The following ZNF862 variants were observed in gnomAD, a reference collection of about 807,000 sequenced individuals.
ZNF862 encodes zinc finger protein 862.
In ZNF862, 64 loss-of-function variants were observed where a neutral mutation model predicts 91.1. The ratio of observed to expected loss-of-function variants is 0.70; its 90% CI spans 0.57 to 0.87. ZNF862 has a LOEUF of 0.87. ZNF862 is among the 40% of genes least tolerant of loss of function. ZNF862 has a pLI of 0.00. For synonymous variants in ZNF862, 631 were observed against 618.1 expected (o/e 1.02, Z -0.31); for missense variants, 1,459 against 1,528.0 (o/e 0.95, Z 0.75).
chr7:149,844,877 C>T, intron 2 of ZNF862, 141 bp downstream of exon 2: 1 of 617,942 alleles, frequency 1.6e-6, no homozygotes, highest in Non-Finnish European at 2.9e-6. Context: ...CTGCTCGATC[C>T]CGTATCTACC....
In ZNF862 at chr7:149,856,646, CT is replaced by C. The variant is rs1310294762; in HGVS notation, c.1118-2774del. On this transcript the variant is annotated intron_variant, in intron 5 of 7. Transcript: ENST00000223210. ...CTCCATTTCATTCTTTCTCTGGAGACTTCGCTCCGGGGCCTTCTCCTCCCCT... is the reference window on the plus strand; with the variant it reads ...CTCCATTTCATTCTTTCTCTGGAGACTCGCTCCGGGGCCTTCTCCTCCCCT... Among the ~76,000 whole-genome samples the C allele has an allele frequency of 2.0e-4, 31 of 152,320 alleles. No homozygotes were observed. In the Middle Eastern group the frequency reaches 0.01, roughly 50 times the overall value.
chr7:149,866,326 C>G lies in ZNF862; in HGVS notation c.*2042C>G, dbSNP rs1802721817. On this transcript the variant is annotated 3_prime_UTR_variant, in exon 8 of 8. Transcript: ENST00000223210. Reference sequence around the variant, plus strand: ...CACCGTCTCCATGGGCGTTCAGGAACTTGCCCAGGTCAGGCACTGTGGATG... The same window carrying G: ...CACCGTCTCCATGGGCGTTCAGGAAGTTGCCCAGGTCAGGCACTGTGGATG... 1 of 152,244 alleles carries G rather than the reference C, an allele frequency of 6.6e-6. No homozygotes were observed. The highest frequency in any genetic ancestry group is 2.4e-5 in the African/African-American group (1 of 41,448). 9.4% of individuals were successfully genotyped at this position (152,244 alleles called of 1,614,324 possible).
intron 2 of ZNF862, 94 bp downstream of exon 2, chr7:149,844,830 A>G: frequency 1.2e-6 from 1 of 837,528 alleles, no homozygotes. Context: ...GTTTTCTGGA[A>G]TCCAAGCATT....
In ZNF862 at chr7:149,860,389, A is replaced by G. The variant is rs759708232; in HGVS notation, c.1229A>G (p.Lys410Arg). The G allele has an allele frequency of 5.0e-6, 8 of 1,608,162 alleles. No individual in the cohort carries two copies. The highest frequency in any genetic ancestry group is 6.8e-6 in the Non-Finnish European group (8 of 1,176,924). The change falls in exon 7 of 8, where the codon AAG (lysine) becomes AGG (arginine). Residue 410 changes from lysine to arginine, a missense_variant. Lys to Arg is a conservative substitution (Grantham distance 26, BLOSUM62 2). Coordinates refer to ENST00000223210, the MANE Select transcript of ZNF862 (RefSeq NM_001099220.3). Reference sequence around the variant, plus strand: ...GATTCAATTTTCTCCAAAGGGAACAAGAAGATGGTGGCAGTGAGAGAGGCA... The same window carrying G: ...GATTCAATTTTCTCCAAAGGGAACAGGAAGATGGTGGCAGTGAGAGAGGCA... ...KWGKGRPPGN[K>R]KMVAVREADT...
rs1042988544 is a variant in ZNF862 at position 149,861,622 on chromosome 7, T to C, written c.2462T>C (p.Ile821Thr). 5 of 1,603,282 alleles carry C rather than the reference T, an allele frequency of 3.1e-6. No individual in the cohort carries two copies. Among genetic ancestry groups the C allele is most frequent in the African/African-American group, 2.7e-5 (2 of 74,752 alleles). ...LQRVAEAGGQ[I>T]GHRAKGMLKL... is the part of the protein sequence containing the mutation. ...AGGGTGGCAGAGGCTGGGGGCCAGATTGGGCACCGGGCCAAAGGGATGCTG... is the reference window on the plus strand; with the variant it reads ...AGGGTGGCAGAGGCTGGGGGCCAGACTGGGCACCGGGCCAAAGGGATGCTG... Residue 821 changes from isoleucine (I) to threonine (T), a missense_variant, in exon 7 of 8, where the codon ATT (isoleucine) becomes ACT (threonine). Ile to Thr is a moderately conservative substitution (Grantham distance 89). Coordinates refer to ENST00000223210, the MANE Select transcript of ZNF862 (RefSeq NM_001099220.3). This position sits in a 1 kb window ranked among gnomAD's most constrained non-coding sequence, Gnocchi z 6.7.
Position 149,862,420 on chromosome 7 carries a change from G to A in ZNF862, c.3260G>A (p.Trp1087Ter), listed in dbSNP as rs1210857648. ...EYDPQPAIQH[W>*]YLTSSGRRFS... ...GACCCCCAGCCCGCCATCCAGCACT[G>A]GTACCTGACCTCCTCAGGCCGGCGT... Residue 1087 changes from tryptophan to a stop codon, truncating the protein, a stop_gained, in exon 7 of 8, where the codon TGG (tryptophan) becomes TAG (stop). Transcript: ENST00000223210. LOFTEE classifies it high-confidence loss of function. 6 of 1,612,560 alleles carry A rather than the reference G, an allele frequency of 3.7e-6. No homozygotes were observed. The highest frequency in any genetic ancestry group is 5.1e-6 in the Non-Finnish European group (6 of 1,179,732).
At chr7:149,841,450 C>T (rs766209522) in intron 1 of ZNF862, 4 of 979,850 alleles carry the variant, frequency 4.1e-6, no homozygotes. Context: ...ACCCTTATCA[C>T]TAAATAAAAT....
rs895699000 is a variant in ZNF862 at position 149,855,819 on chromosome 7, G to A, written c.1118-3603G>A. 6.6e-6 allele frequency among the ~76,000 whole-genome samples: 1 copy of A among 152,184 alleles called. No homozygotes were observed. The highest frequency in any genetic ancestry group is 1.5e-5 in the Non-Finnish European group (1 of 68,040). ...CCATAGAAGCACTTCCAGACCCTGT[G>A]CTCTCCCAGACCTGGGATTGTAGGC... On this transcript the variant is annotated intron_variant, in intron 5 of 7. Coordinates refer to ENST00000223210, the MANE Select transcript of ZNF862 (RefSeq NM_001099220.3). This position sits in a 1 kb window ranked among gnomAD's most constrained non-coding sequence, Gnocchi z 4.1.
rs748692359 is a variant in ZNF862, at chr7:149,847,951, A to G, written c.458A>G (p.Asn153Ser). The change falls in exon 4 of 8, where the codon AAT becomes AGT. Residue 153 changes from asparagine to serine, a missense_variant. Physicochemically the swap from Asn to Ser is conservative, Grantham distance 46 (BLOSUM62 1). Transcript: ENST00000223210. ...GTGCAGTTTCCGTGGCTGATCATGA[A>G]TGAGGAGCAGACGGCTCTGTTCTGC... ...WFVQFPWLIM[N>S]EEQTALFCSA... 1 of 1,608,944 alleles carries G rather than the reference A, an allele frequency of 6.2e-7. No individual in the cohort carries two copies. The highest frequency in any genetic ancestry group is 8.5e-7 in the Non-Finnish European group (1 of 1,177,382).
At position 149,848,102 on chromosome 7, in the gene ZNF862, C is replaced by T; in HGVS notation, c.609C>T (p.Val203=). 2.5e-6 allele frequency: 4 copies of T among 1,614,090 alleles called. No individual in the cohort carries two copies. The highest frequency in any genetic ancestry group is 3.4e-6 in the Non-Finnish European group (4 of 1,179,908). The part of the protein sequence containing the change: ...HAKSKAHMFC[V]NALAARDPIW... Reference sequence around the variant, plus strand: ...AGAGCAAGGCCCACATGTTCTGTGTCAATGCCTTGGCAGCGAGGGACCCCA... The same window carrying T: ...AGAGCAAGGCCCACATGTTCTGTGTTAATGCCTTGGCAGCGAGGGACCCCA... Residue 203 remains valine, a synonymous_variant, in exon 4 of 8, where the codon GTC becomes GTT. Coordinates refer to ENST00000223210, the MANE Select transcript of ZNF862 (RefSeq NM_001099220.3).
At chr7:149,848,496 A>G in intron 4 of ZNF862, 64 bp downstream of exon 4, 1 of 1,289,144 alleles carries the variant, frequency 7.8e-7, no homozygotes, top group Non-Finnish European at 1.0e-6. Context: ...AACGATGTAT[A>G]TCCATGCTGA....
chr7:149,857,862 C>G (rs1028179690), intron 5 of ZNF862, among the ~76,000 whole-genome samples: 6 of 152,146 alleles, frequency 3.9e-5, no homozygotes, highest in African/African-American at 7.2e-5. Flanking sequence ...TTCTTGGAGT[C>G]GAGCAGTGCA....
At position 149,864,268 on chromosome 7, in the gene ZNF862, C is replaced by A. The variant is rs1239609334; in HGVS notation, c.3494C>A (p.Ala1165Asp). 1 of 1,600,138 alleles carries A rather than the reference C, an allele frequency of 6.2e-7. No homozygotes were observed. The highest frequency in any genetic ancestry group is 1.7e-5 in the Admixed American group (1 of 58,254). ...RLLYPHTSQE[A>D]PGMS ...CTGTATCCCCACACCAGCCAGGAGGCCCCCGGGATGTCCTGAGGGACAGGG... is the reference window on the plus strand; with the variant it reads ...CTGTATCCCCACACCAGCCAGGAGGACCCCGGGATGTCCTGAGGGACAGGG... Residue 1165 changes from alanine to aspartate, a missense_variant, in exon 8 of 8, where the codon GCC becomes GAC. Transcript: ENST00000223210.
intron 2 of ZNF862, chr7:149,844,973 C>A: frequency 2.1e-6 from 1 of 476,976 alleles, no homozygotes; most frequent in East Asian, 4.0e-5. Context: ...CAGGCCTGGG[C>A]TAGACTCCTG....
chr7:149,866,863 CCTTTG>C lies in ZNF862; in HGVS notation c.*2585_*2589del, dbSNP rs1374063498. The C allele has an allele frequency of 6.6e-6, 1 of 152,310 alleles. No homozygotes were observed. The highest frequency in any genetic ancestry group is 1.5e-5 in the Non-Finnish European group (1 of 68,124). 9.4% of individuals were successfully genotyped at this position (152,310 alleles called of 1,614,324 possible). On this transcript the variant is annotated 3_prime_UTR_variant, in exon 8 of 8. Coordinates refer to ENST00000223210, the MANE Select transcript of ZNF862 (RefSeq NM_001099220.3). Reference sequence around the variant, plus strand: ...TCAGAGGCCCTGGCCCAGGCTGGCCCCTTTGCTTTGTTTGGAGAGGCTGGCTGAGT... The same window carrying C: ...TCAGAGGCCCTGGCCCAGGCTGGCCCCTTTGTTTGGAGAGGCTGGCTGAGT...
chr7:149,860,573 G>A lies in ZNF862; in HGVS notation c.1413G>A (p.Gly471=), dbSNP rs766897405. The change falls in exon 7 of 8, where the codon GGG becomes GGA. Residue 471 remains glycine (G), a synonymous_variant. Coordinates refer to ENST00000223210, the MANE Select transcript of ZNF862 (RefSeq NM_001099220.3). Reference sequence around the variant, plus strand: ...GTTCCATTCAGAGGTCATGGTTTGGGCAGTTCCCATGGTTAGTAATTGACC... The same window carrying A: ...GTTCCATTCAGAGGTCATGGTTTGGACAGTTCCCATGGTTAGTAATTGACC... ...RPRSIQRSWF[G]QFPWLVIDPK... The A allele has an allele frequency of 1.2e-6, 2 of 1,614,008 alleles. No homozygotes were observed. Among genetic ancestry groups the A allele is most frequent in the Admixed American group, 3.3e-5 (2 of 60,030 alleles).
intron 2 of ZNF862, 158 bp downstream of exon 2, chr7:149,844,894 G>T (rs1422324937): frequency 3.4e-6 from 2 of 587,760 alleles, no homozygotes; most frequent in South Asian, 2.0e-5. Flanking sequence ...TACCTTAATT[G>T]CATGCAAATT....
chr7:149,847,390 T>C (rs768745021), intron 3 of ZNF862, among the ~76,000 whole-genome samples: 4 of 152,194 alleles, frequency 2.6e-5, no homozygotes, highest in South Asian at 2.1e-4. Flanking sequence ...AGTGTTCTTA[T>C]CCATAAATAA....
At chr7:149,846,120 C>T in intron 2 of ZNF862, 31 bp from the exon 3 acceptor site, 1 of 1,530,140 alleles carries the variant, frequency 6.5e-7, no homozygotes, top group Non-Finnish European at 9.0e-7. Context: ...TTTTCTCTCT[C>T]TCTCGCTCTC....
Sources: allele counts gnomAD v4.1 joint callset (sites outside exome capture counted in the v4.1 genomes callset), GRCh38; gene constraint gnomAD v4.1.1; non-coding constraint Gnocchi (gnomAD v3.1); transcripts MANE v1.5; gene names NCBI Gene and HGNC (gene_info 2026-07-23, HGNC 2026-07-21).